The following POU2F2 variants were observed in gnomAD, a reference collection of about 807,000 sequenced individuals.
The protein encoded by POU2F2 is POU class 2 homeobox 2.
A neutral mutation model predicts 63.5 loss-of-function variants in POU2F2; 14 were observed. The ratio of observed to expected loss-of-function variants is 0.22; its 90% CI spans 0.15 to 0.34. The LOEUF is 0.34. Among genes scored for constraint, POU2F2 ranks in the 10% least tolerant of loss-of-function variants. POU2F2 has a pLI of 1.00. For synonymous variants in POU2F2, 306 were observed against 348.6 expected, an observed-to-expected ratio of 0.88 and a Z score of 1.36; for missense variants, 607 against 815.2, an observed-to-expected ratio of 0.74 and a Z score of 3.11.
intron 1 of POU2F2, among the ~76,000 whole-genome samples, 178 bp downstream of exon 1, chr19:42,132,206 G>A (rs759617290): frequency 5.3e-5 from 8 of 152,218 alleles, no homozygotes; most frequent in Non-Finnish European, 1.0e-4. Flanking sequence ...TGGAAAGAGA[G>A]GGCAAAGAGG....
chr19:42,094,043 C>T (rs548496670), intron 11 of POU2F2, 148 bp from the exon 12 acceptor site: 273 of 612,292 alleles, frequency 4.5e-4, no homozygotes, highest in Non-Finnish European at 5.9e-4. Context: ...ATGCTTTCTT[C>T]ACACTTGCCC....
chr19:42,190,722 A>G (rs531699724), intron 1 of POU2F2, among the ~76,000 whole-genome samples: 23 of 152,254 alleles, frequency 1.5e-4, no homozygotes, highest in African/African-American at 5.3e-4. Context: ...GATTATTAGT[A>G]TGAATGCTGT....
At chr19:42,094,034 T>G (rs1166695019) in intron 11 of POU2F2, 139 bp from the exon 12 acceptor site, 1 of 650,490 alleles carries the variant, frequency 1.5e-6, no homozygotes, top group Non-Finnish European at 2.6e-6. Flanking sequence ...TTATTCCACA[T>G]GCTTTCTTCA....
At chr19:42,101,793 T>G (rs368052435) in intron 5 of POU2F2, among the ~76,000 whole-genome samples, 5 of 151,600 alleles carry the variant, frequency 3.3e-5, no homozygotes, top group African/African-American at 1.2e-4. Context: ...CTGGCCAACA[T>G]AGTGGAACCC....
At chr19:42,130,364 G>A (rs1309243586) in intron 1 of POU2F2, among the ~76,000 whole-genome samples, 1 of 152,074 alleles carries the variant, frequency 6.6e-6, no homozygotes, top group African/African-American at 2.4e-5. Context: ...AGATGGCCAG[G>A]GCTGACCTCT....
rs1417185590 is a variant in POU2F2 at position 42,087,005 on chromosome 19, A to G, written c.*4252T>C. 6.6e-6 allele frequency: 1 copy of G among 151,652 alleles called. No individual in the cohort carries two copies. Among genetic ancestry groups the G allele is most frequent in the Non-Finnish European group, 1.5e-5 (1 of 67,922 alleles). The allele number at this position is 151,652 out of a possible 1,614,324, so 9.4% of individuals were successfully genotyped here. A position where few individuals can be genotyped will look rare whatever the true frequency, so the allele number is the denominator to read the frequency against. On this transcript the variant is annotated 3_prime_UTR_variant, in exon 15 of 15. Transcript: ENST00000692977. ...TTGTCATCGTCGTCTTGCTTTGGAGACTGCTGAGGTCAAAGTTTAAACCGC... is the reference window on the plus strand; with the variant it reads ...TTGTCATCGTCGTCTTGCTTTGGAGGCTGCTGAGGTCAAAGTTTAAACCGC...
chr19:42,185,102 G>T lies in POU2F2; in HGVS notation c.-70+11281C>A, dbSNP rs144217158. On this transcript the variant is annotated intron_variant, in intron 1 of 5. Transcript: ENST00000532176. ...CCAATCAGGATTGAAATCCCATCCA[G>T]TTCATTTACTTCATTAATATTAAAA... Among the ~76,000 whole-genome samples, 39 of 152,110 alleles carry T rather than the reference G, an allele frequency of 2.6e-4. No individual in the cohort carries two copies. In the East Asian group the frequency reaches 6.4e-3, roughly 25 times the overall value.
At chr19:42,174,955 G>A (rs1398688011) in intron 1 of POU2F2, among the ~76,000 whole-genome samples, 1 of 152,178 alleles carries the variant, frequency 6.6e-6, no homozygotes, top group African/African-American at 2.4e-5. Flanking sequence ...GTGGGGAGTG[G>A]TCATCAGGCC....
At chr19:42,118,069 T>A (rs140189542) in intron 4 of POU2F2, among the ~76,000 whole-genome samples, 101 of 152,182 alleles carry the variant, frequency 6.6e-4, no homozygotes, top group Middle Eastern at 3.4e-3. Flanking sequence ...AGACTACAGG[T>A]GCCCACCACA....
intron 5 of POU2F2, chr19:42,110,837 G>A: frequency 2.3e-6 from 1 of 436,002 alleles, no homozygotes; most frequent in Non-Finnish European, 4.7e-6. Flanking sequence ...TTCATAAATG[G>A]CAGTCATTAT....
upstream of POU2F2, among the ~76,000 whole-genome samples, chr19:42,135,862 C>A (rs1466651542): frequency 1.3e-5 from 2 of 152,028 alleles, no homozygotes; most frequent in Non-Finnish European, 2.9e-5. Flanking sequence ...AGGTGCACAC[C>A]ACCAGGCCAG....
intron 5 of POU2F2, among the ~76,000 whole-genome samples, chr19:42,109,332 G>A (rs986311308): frequency 3.9e-5 from 6 of 152,208 alleles, no homozygotes; most frequent in East Asian, 1.9e-4. Flanking sequence ...TGGTGTTGGC[G>A]CATGAGTTGA....
At chr19:42,141,834 A>G (rs2034134409) in intron 2 of POU2F2, among the ~76,000 whole-genome samples, 1 of 152,198 alleles carries the variant, frequency 6.6e-6, no homozygotes, top group Admixed American at 6.5e-5. Context: ...AAGAACAAAC[A>G]TGTTCACTAA....
chr19:42,168,794 T>C (rs1599706552), intron 1 of POU2F2, among the ~76,000 whole-genome samples: 2 of 152,312 alleles, frequency 1.3e-5, no homozygotes, highest in South Asian at 4.1e-4. Flanking sequence ...TGTGTACACA[T>C]TTAGAATCTG....
At chr19:42,139,513 C>T (rs1376157294) in intron 2 of POU2F2, among the ~76,000 whole-genome samples, 1 of 152,124 alleles carries the variant, frequency 6.6e-6, no homozygotes, top group Non-Finnish European at 1.5e-5. Context: ...TTATTTGGCT[C>T]ACTGCAACCT....
intron 5 of POU2F2, among the ~76,000 whole-genome samples, chr19:42,112,330 G>T (rs921227310): frequency 5.3e-5 from 8 of 152,206 alleles, no homozygotes; most frequent in African/African-American, 1.9e-4. Flanking sequence ...CTTCTCTGGG[G>T]TCGAGGGCAA....
chr19:42,186,180 C>T (rs2035010753), intron 1 of POU2F2, among the ~76,000 whole-genome samples: 1 of 151,868 alleles, frequency 6.6e-6, no homozygotes, highest in Non-Finnish European at 1.5e-5. Flanking sequence ...AAAAAATTAG[C>T]CGGGTGTGGT....
Position 42,092,316 on chromosome 19 carries a change from C to G in POU2F2, c.1265-46G>C. 7.0e-7 allele frequency: 1 copy of G among 1,429,900 alleles called. No homozygotes were observed. The highest frequency in any genetic ancestry group is 9.6e-7 in the Non-Finnish European group (1 of 1,037,170). The allele number at this position is 1,429,900 out of a possible 1,614,324, so 88.6% of individuals were successfully genotyped here. ...GATGGGGTCTTCAGCTTCCACTCGT[C>G]CCCCACTGAGGAACCTGGGGTCAGC... On this transcript the variant is annotated intron_variant, in intron 12 of 14. Transcript: ENST00000692977. This position sits in a 1 kb window ranked among gnomAD's most constrained non-coding sequence, Gnocchi z 5.0.
At chr19:42,118,321 A>G (rs2032179440) in intron 4 of POU2F2, among the ~76,000 whole-genome samples, 1 of 152,184 alleles carries the variant, frequency 6.6e-6, no homozygotes, top group South Asian at 2.1e-4. Context: ...CTGGGCTACA[A>G]AGTCAGATGC....
Sources: gnomAD v4.1 joint callset for allele counts (sites outside exome capture counted in the v4.1 genomes callset) on GRCh38, gnomAD v4.1.1 for gene constraint, Gnocchi (gnomAD v3.1) non-coding constraint, MANE v1.5 for transcripts, NCBI Gene and HGNC (gene_info 2026-07-23, HGNC 2026-07-21) for gene names.